The following NR3C2 variants were observed in gnomAD, a reference collection of about 807,000 sequenced individuals.
NR3C2 encodes the protein mineralocorticoid receptor.
NR3C2 carries 15 observed loss-of-function variants against 86.4 expected under a neutral mutation model. That is an observed-to-expected ratio of 0.17 (90% CI 0.12 to 0.27). The LOEUF is 0.27. Ranked by LOEUF, NR3C2 falls within the 10% of genes least tolerant of loss-of-function variation. NR3C2 has a pLI of 1.00. For synonymous variants in NR3C2, 458 were observed against 450.5 expected (o/e 1.02, Z -0.21); for missense variants, 960 against 1,195.6 (o/e 0.80, Z 2.91).
intron 8 of NR3C2, among the ~76,000 whole-genome samples, chr4:148,094,251 T>C (rs369801790): frequency 1.3e-5 from 2 of 152,132 alleles, no homozygotes; most frequent in Admixed American, 1.3e-4. Context: ...TATAGAGAAA[T>C]TGGAACATTT....
At chr4:148,190,887 G>A (rs551364315) in intron 4 of NR3C2, among the ~76,000 whole-genome samples, 82 of 152,200 alleles carry the variant, frequency 5.4e-4, no homozygotes, top group Non-Finnish European at 1.1e-3. Flanking sequence ...TGAGTTTCCT[G>A]AAGGCAGCAG....
At chr4:148,099,817 G>C (rs761420615) in intron 8 of NR3C2, among the ~76,000 whole-genome samples, 1 of 152,194 alleles carries the variant, frequency 6.6e-6, no homozygotes, top group Non-Finnish European at 1.5e-5. Context: ...AGATTCCTGT[G>C]TGTCAGGTTT....
chr4:148,142,571 T>C (rs1733664179), intron 6 of NR3C2, among the ~76,000 whole-genome samples: 2 of 152,154 alleles, frequency 1.3e-5, no homozygotes, highest in Non-Finnish European at 2.9e-5. Context: ...CACGGCTCCC[T>C]GCAACCTCCG....
chr4:148,232,173 GA>G (rs1738499972), intron 3 of NR3C2, among the ~76,000 whole-genome samples: 1 of 152,188 alleles, frequency 6.6e-6, no homozygotes, highest in Non-Finnish European at 1.5e-5. Context: ...ATAGAATGGT[GA>G]ATTCTTTACA....
intron 2 of NR3C2, among the ~76,000 whole-genome samples, chr4:148,400,778 CAAAAAAAA>C (rs34623514): frequency 5.1e-4 from 43 of 84,420 alleles, no homozygotes; most frequent in Admixed American, 1.7e-3. Context: ...GACTCCGTCT[CAAAAAAAA>C]AAAAAAAAAA....
At chr4:148,405,457 G>A (rs953284069) in intron 2 of NR3C2, among the ~76,000 whole-genome samples, 1 of 152,134 alleles carries the variant, frequency 6.6e-6, no homozygotes, top group Non-Finnish European at 1.5e-5. Flanking sequence ...CACTTGTAGG[G>A]AACGCACAAA....
Position 148,253,984 on chromosome 4 carries a change from G to A in NR3C2, c.1897+5994C>T, listed in dbSNP as rs137861926. ...TCCAGTATTCCTTATCTCAGTGAACGGCGTTAGCAGCCAAGCCTGGGGAGT... is the reference window on the plus strand; with the variant it reads ...TCCAGTATTCCTTATCTCAGTGAACAGCGTTAGCAGCCAAGCCTGGGGAGT... On this transcript the variant is annotated intron_variant, in intron 3 of 8. Transcript: ENST00000358102. Among the ~76,000 whole-genome samples, 300 of 152,090 alleles carry A rather than the reference G, an allele frequency of 2.0e-3. 1 individual carries two copies. Among genetic ancestry groups the A allele is most frequent in the Non-Finnish European group, 3.3e-3 (226 of 67,980 alleles).
At chr4:148,275,083 G>GT (rs1170161000) in intron 2 of NR3C2, among the ~76,000 whole-genome samples, 1 of 152,160 alleles carries the variant, frequency 6.6e-6, no homozygotes, top group South Asian at 2.1e-4. Context: ...TAACTTCACT[G>GT]TTTATCTTCT....
At chr4:148,092,605 A>G (rs908834615) in intron 8 of NR3C2, among the ~76,000 whole-genome samples, 1 of 152,190 alleles carries the variant, frequency 6.6e-6, no homozygotes, top group Admixed American at 6.5e-5. Context: ...AGTTTTATTC[A>G]TTGAGCCAAA....
chr4:148,423,710 A>T (rs1749392563), intron 2 of NR3C2, among the ~76,000 whole-genome samples: 1 of 152,068 alleles, frequency 6.6e-6, no homozygotes, highest in Non-Finnish European at 1.5e-5. Context: ...ATTGCCTATT[A>T]TTATTATTAT....
At chr4:148,348,038 A>C (rs1450041810) in intron 2 of NR3C2, among the ~76,000 whole-genome samples, 1 of 152,118 alleles carries the variant, frequency 6.6e-6, no homozygotes, top group African/African-American at 2.4e-5. Flanking sequence ...AGCACCATGC[A>C]CTTCTCCTTT....
intron 2 of NR3C2, among the ~76,000 whole-genome samples, chr4:148,291,399 C>T (rs1303138934): frequency 2.0e-5 from 3 of 151,992 alleles, no homozygotes; most frequent in Non-Finnish European, 4.4e-5. Context: ...ACGTTTTAGT[C>T]AATGAAATCT....
chr4:148,344,104 T>C (rs887546769), intron 2 of NR3C2, among the ~76,000 whole-genome samples: 1 of 152,194 alleles, frequency 6.6e-6, no homozygotes, highest in Non-Finnish European at 1.5e-5. Flanking sequence ...AAAGTCCTTA[T>C]TCGTCTTTTT....
At chr4:148,164,196 C>G (rs1257653112) in intron 4 of NR3C2, among the ~76,000 whole-genome samples, 2 of 152,126 alleles carry the variant, frequency 1.3e-5, no homozygotes, top group African/African-American at 4.8e-5. Context: ...ACAGACAGTT[C>G]AGGCTTTTTG....
intron 8 of NR3C2, among the ~76,000 whole-genome samples, chr4:148,107,451 A>T (rs940742135): frequency 2.0e-5 from 3 of 152,226 alleles, no homozygotes; most frequent in African/African-American, 7.2e-5. Context: ...TTCCTCAAGA[A>T]TCTAGAACCA....
intron 2 of NR3C2, among the ~76,000 whole-genome samples, chr4:148,377,694 G>C (rs1746747880): frequency 6.6e-6 from 1 of 152,196 alleles, no homozygotes; most frequent in African/African-American, 2.4e-5. Flanking sequence ...CCTGGAAGAG[G>C]CATCTCATGG....
chr4:148,293,476 TAA>T (rs1741894042), intron 2 of NR3C2, among the ~76,000 whole-genome samples: 1 of 152,194 alleles, frequency 6.6e-6, no homozygotes, highest in Non-Finnish European at 1.5e-5. Flanking sequence ...CTACAAATGC[TAA>T]GTTTGGTTAG....
At chr4:148,235,445 T>C (rs1344397545) in intron 3 of NR3C2, among the ~76,000 whole-genome samples, 1 of 152,060 alleles carries the variant, frequency 6.6e-6, no homozygotes, top group Admixed American at 6.6e-5. Flanking sequence ...TCTTCTTTTG[T>C]GTGTTTGTAA....
At chr4:148,124,526 A>T (rs1172176575) in intron 6 of NR3C2, among the ~76,000 whole-genome samples, 1 of 152,130 alleles carries the variant, frequency 6.6e-6, no homozygotes, top group African/African-American at 2.4e-5. Flanking sequence ...CTCTATTTAT[A>T]TGATTGCCTG....
Sources: allele counts gnomAD v4.1 joint callset (sites outside exome capture counted in the v4.1 genomes callset), GRCh38; gene constraint gnomAD v4.1.1; transcripts MANE v1.5; gene names NCBI Gene and HGNC (gene_info 2026-07-23, HGNC 2026-07-21).